ANXA2: variants seen among roughly 807,000 people sequenced by gnomAD.
The protein encoded by ANXA2 is annexin A2.
A neutral mutation model predicts 47.3 loss-of-function variants in ANXA2; 28 were observed. The ratio of observed to expected loss-of-function variants is 0.59; its 90% confidence interval spans 0.44 to 0.81. The LOEUF is 0.81. ANXA2 is among the 40% of genes least tolerant of loss of function. The pLI is 0.00. For missense variants in ANXA2, 384 were observed against 414.3 expected, an observed-to-expected ratio of 0.93 and a Z score of 0.64; for synonymous variants, 172 against 155.5, an observed-to-expected ratio of 1.11 and a Z score of -0.79.
rs746212387 is a variant in ANXA2 at position 60,355,805 on chromosome 15, C to T, written c.528+114G>A. ...TGCAAACCCACTTTCAAAAATGCAG[C>T]TGAATTTCTGATGCAGGCACAGGGG... On this transcript the variant is annotated intron_variant, in intron 7 of 12. Coordinates refer to ENST00000451270, the MANE Select transcript of ANXA2 (RefSeq NM_004039.3). The T allele has an allele frequency of 6.5e-6, 6 of 921,548 alleles. No individual in the cohort carries two copies. In the African/African-American group the frequency reaches 9.7e-5, roughly 15 times the overall value. The allele number at this position is 921,548 out of a possible 1,614,324, so 57.1% of individuals were successfully genotyped here.
intron 3 of ANXA2, among the ~76,000 whole-genome samples, chr15:60,376,904 A>G (rs919844831): frequency 6.6e-6 from 1 of 152,250 alleles, no homozygotes; most frequent in Non-Finnish European, 1.5e-5. Flanking sequence ...CACAGACCAC[A>G]GGGAAATCAA....
chr15:60,354,321 T>A, intron 7 of ANXA2, 108 bp from the exon 8 acceptor site: 2 of 904,486 alleles, frequency 2.2e-6, no homozygotes, highest in Non-Finnish European at 3.3e-6. Context: ...CCTAAATAAG[T>A]AACCACGTAA....
At position 60,351,771 on chromosome 15, in the gene ANXA2, A is replaced by G; in HGVS notation, c.731T>C (p.Ile244Thr). 1 of 1,613,992 alleles carries G rather than the reference A, an allele frequency of 6.2e-7. No individual in the cohort carries two copies. The highest frequency in any genetic ancestry group is 1.1e-5 in the South Asian group (1 of 91,078). ...CAGGTCTCCTTTAACCTCTTTCCTG[A>G]TGCTTTCCAACATGTCATAAGGGCT... The part of the protein sequence containing the change: ...SYSPYDMLES[I>T]RKEVKGDLEN... The change falls in exon 10 of 13, where the codon ATC becomes ACC. Residue 244 changes from isoleucine to threonine, a missense_variant. Physicochemically the swap from Ile to Thr is moderately conservative, Grantham distance 89 (BLOSUM62 -1). Transcript: ENST00000451270.
intron 3 of ANXA2, among the ~76,000 whole-genome samples, chr15:60,366,774 C>T (rs1198691296): frequency 9.0e-6 from 1 of 110,574 alleles, no homozygotes; most frequent in Non-Finnish European, 1.9e-5. Flanking sequence ...CCCCTCTGCC[C>T]GGCCAGCCGC....
intron 3 of ANXA2, among the ~76,000 whole-genome samples, chr15:60,368,808 G>A (rs1227696200): frequency 3.9e-5 from 6 of 151,956 alleles, no homozygotes; most frequent in East Asian, 1.9e-4. Context: ...CTCCAGAATC[G>A]ACTAGTGACT....
chr15:60,352,589 AGAT>A lies in ANXA2; in HGVS notation c.589-116_589-114del. ...CACATTCAAAATGCCAAACGAGGAA[AGAT>A]GATTATACTGCAGACATGGGCAGAG... On this transcript the variant is annotated intron_variant, in intron 8 of 12. Transcript: ENST00000451270. The surrounding 1 kb of genome is among the most constrained non-coding windows in gnomAD (Gnocchi z 4.2). The A allele has an allele frequency of 1.3e-6, 1 of 748,672 alleles. No homozygotes were observed. The highest frequency in any genetic ancestry group is 2.7e-5 in the East Asian group (1 of 37,392). 46.4% of individuals were successfully genotyped at this position (748,672 alleles called of 1,614,324 possible).
At chr15:60,380,549 C>A (rs559546476) in intron 3 of ANXA2, among the ~76,000 whole-genome samples, 17 of 150,070 alleles carry the variant, frequency 1.1e-4, no homozygotes, top group South Asian at 2.1e-4. Flanking sequence ...CATACCTGTA[C>A]TCCCAGCACT....
chr15:60,397,509 G>T (rs868811982), intron 1 of ANXA2, among the ~76,000 whole-genome samples: 1 of 152,264 alleles, frequency 6.6e-6, no homozygotes, highest in Middle Eastern at 3.4e-3. Context: ...CAGATGGGGG[G>T]CACTTTCTAG....
chr15:60,390,581 G>T, intron 1 of ANXA2: 1 of 368,160 alleles, frequency 2.7e-6, no homozygotes, highest in South Asian at 2.3e-5. Context: ...TGAGTGTGCT[G>T]ACCCCATCTG....
intron 5 of ANXA2, among the ~76,000 whole-genome samples, chr15:60,359,948 T>C (rs1257532702): frequency 6.6e-6 from 1 of 152,242 alleles, no homozygotes; most frequent in East Asian, 1.9e-4. Context: ...TGTGTGCATC[T>C]ATTGCATTTA....
chr15:60,371,517 TC>T (rs1208043823), intron 3 of ANXA2, among the ~76,000 whole-genome samples: 1 of 152,164 alleles, frequency 6.6e-6, no homozygotes, highest in Non-Finnish European at 1.5e-5. Context: ...GTCTTTATTG[TC>T]CATGGCAAGG....
intron 7 of ANXA2, among the ~76,000 whole-genome samples, chr15:60,354,619 C>CA (rs5813019): frequency 0.67 from 72,593 of 109,124 alleles, 23,832 homozygotes; most frequent in Admixed American, 0.73. Context: ...GACTCTGTCT[C>CA]AAAAAAAAAA....
intron 5 of ANXA2, 58 bp downstream of exon 5, chr15:60,360,883 C>A (rs772583050): frequency 2.2e-5 from 24 of 1,093,536 alleles, no homozygotes; most frequent in African/African-American, 3.1e-5. Flanking sequence ...ACTCAGAAAG[C>A]TGTAATTCAC....
chr15:60,366,805 G>A (rs1357943348), intron 3 of ANXA2, among the ~76,000 whole-genome samples: 1 of 72,986 alleles, frequency 1.4e-5, no homozygotes, highest in African/African-American at 5.3e-5. Context: ...AGGGAGGCGG[G>A]GGGGGGGGGG....
chr15:60,348,288 T>A (rs987360548), intron 12 of ANXA2, among the ~76,000 whole-genome samples: 15 of 152,134 alleles, frequency 9.9e-5, no homozygotes, highest in African/African-American at 3.4e-4. Flanking sequence ...CTGTCTGAAA[T>A]CTACACAGTG....
At chr15:60,350,134 AGGGAGGGGAAGGCAGGG>A in intron 11 of ANXA2, among the ~76,000 whole-genome samples, 1 of 42,048 alleles carries the variant, frequency 2.4e-5, no homozygotes, top group Non-Finnish European at 4.6e-5. Flanking sequence ...GAAGGCAGGG[AGGGAGGGGAAGGCAGGG>A]AGGCAGGGGA....
intron 1 of ANXA2, among the ~76,000 whole-genome samples, chr15:60,395,443 C>T (rs1379211673): frequency 1.3e-5 from 2 of 152,132 alleles, no homozygotes; most frequent in East Asian, 1.9e-4. Context: ...AAAATGTCTC[C>T]GCAGGCTCCA....
At position 60,352,289 on chromosome 15, in the gene ANXA2, C is replaced by G. The variant is rs2062361795; in HGVS notation, c.682+94G>C. 12 of 791,850 alleles carry G rather than the reference C, an allele frequency of 1.5e-5. No individual in the cohort carries two copies. The highest frequency in any genetic ancestry group is 2.5e-5 in the Non-Finnish European group (12 of 480,814). The allele number at this position is 791,850 out of a possible 1,614,324, so 49.1% of individuals were successfully genotyped here. On this transcript the variant is annotated intron_variant, in intron 9 of 12. Coordinates refer to ENST00000451270, the MANE Select transcript of ANXA2 (RefSeq NM_004039.3). This position sits in a 1 kb window ranked among gnomAD's most constrained non-coding sequence, Gnocchi z 4.2. ...TGAGAGTGCCAAGCGGAGACAGAACCTCATTCTGGCAGACTCCATCCCAAC... is the reference window on the plus strand; with the variant it reads ...TGAGAGTGCCAAGCGGAGACAGAACGTCATTCTGGCAGACTCCATCCCAAC...
At chr15:60,384,332 G>C (rs1006651408) in intron 2 of ANXA2, 2 of 152,164 alleles carry the variant, frequency 1.3e-5, no homozygotes, top group African/African-American at 4.8e-5. Flanking sequence ...AACAGTGAGG[G>C]GGAAAAGTTT....
Sources: allele counts gnomAD v4.1 joint callset (sites outside exome capture counted in the v4.1 genomes callset), GRCh38; gene constraint gnomAD v4.1.1; non-coding constraint Gnocchi (gnomAD v3.1); transcripts MANE v1.5; gene names NCBI Gene and HGNC (gene_info 2026-07-23, HGNC 2026-07-21).